Variants in TCF19 observed in about 807,000 individuals in gnomAD.
TCF19 encodes the protein transcription factor SC1.
TCF19 carries 9 observed loss-of-function variants against 18.3 expected under a neutral mutation model. The observed-to-expected ratio is 0.49, with a 90% CI of 0.30 to 0.86. The LOEUF is 0.86. Ranked by LOEUF, TCF19 falls within the 40% of genes least tolerant of loss-of-function variation. The pLI is 0.07. For missense variants in TCF19, 376 were observed against 464.3 expected (o/e 0.81, Z 1.75); for synonymous variants, 176 against 185.3 (o/e 0.95, Z 0.41).
At position 31,163,061 on chromosome 6, in the gene TCF19, T is replaced by C. The variant is rs1409334793; in HGVS notation, c.*344T>C. On this transcript the variant is annotated 3_prime_UTR_variant, in exon 4 of 4. Coordinates refer to ENST00000376257, the MANE Select transcript of TCF19 (RefSeq NM_007109.3). ...AGCCATGCCTGCAACCGATGGAAAA[T>C]GTAAGAGGGAGTTCTTAAGGTTCTT... 31 of 1,147,976 alleles carry C rather than the reference T, an allele frequency of 2.7e-5. No individual in the cohort carries two copies. Among genetic ancestry groups the C allele is most frequent in the Non-Finnish European group, 3.1e-5 (29 of 931,868 alleles). 71.1% of individuals were successfully genotyped at this position (1,147,976 alleles called of 1,614,324 possible). A position where few individuals can be genotyped will look rare whatever the true frequency, so the allele number is the denominator to read the frequency against.
chr6:31,159,209 T>C lies in TCF19; in HGVS notation c.-261T>C, dbSNP rs1776556716. 4 of 482,310 alleles carry C rather than the reference T, an allele frequency of 8.3e-6. No homozygotes were observed. Among genetic ancestry groups the C allele is most frequent in the Non-Finnish European group, 1.5e-5 (4 of 271,672 alleles). 29.9% of individuals were successfully genotyped at this position (482,310 alleles called of 1,614,324 possible). On this transcript the variant is annotated 5_prime_UTR_variant, in exon 2 of 4. Transcript: ENST00000376257. The stretch of plus-strand genomic sequence containing the variant: ...TCAAGTGAGGTGCCATAGGACGTGT[T>C]CCTGAGTTTGCATTGCACGGAGACC...
At position 31,162,617 on chromosome 6, in the gene TCF19, G is replaced by A. The variant is rs769274114; in HGVS notation, c.938G>A (p.Cys313Tyr). 4 of 1,612,976 alleles carry A rather than the reference G, an allele frequency of 2.5e-6. No homozygotes were observed. Among genetic ancestry groups the A allele is most frequent in the Non-Finnish European group, 3.4e-6 (4 of 1,180,026 alleles). ...ETVAWVQCDG[C>Y]DVWFHVACVG... Reference sequence around the variant, plus strand: ...GTGGCCTGGGTTCAGTGTGATGGCTGTGACGTCTGGTTCCATGTGGCCTGT... The same window carrying A: ...GTGGCCTGGGTTCAGTGTGATGGCTATGACGTCTGGTTCCATGTGGCCTGT... Residue 313 changes from cysteine (C) to tyrosine (Y), a missense_variant, in exon 4 of 4, where the codon TGT (cysteine) becomes TAT (tyrosine). Transcript: ENST00000376257. This position sits in a 1 kb window ranked among gnomAD's most constrained non-coding sequence, Gnocchi z 4.5.
Position 31,159,456 on chromosome 6 carries a change from A to G in TCF19, c.-14A>G. 1 of 1,545,564 alleles carries G rather than the reference A, an allele frequency of 6.5e-7. No individual in the cohort carries two copies. Among genetic ancestry groups the G allele is most frequent in the South Asian group, 1.2e-5 (1 of 84,704 alleles). ...GCCTGAAGTGGAAGAGGTGGTGCAG[A>G]GGGGGCACCGCCCATGCTGCCCTGC... On this transcript the variant is annotated 5_prime_UTR_variant, in exon 2 of 4. Transcript: ENST00000376257.
intron 2 of TCF19, 139 bp downstream of exon 2, chr6:31,159,846 C>T: frequency 1.1e-6 from 1 of 885,078 alleles, no homozygotes. Context: ...AGACCTTCAT[C>T]TTCCCACCAG....
rs906357711 is a variant in TCF19, at chr6:31,162,396, A to G, written c.798-81A>G. 2 of 1,525,082 alleles carry G rather than the reference A, an allele frequency of 1.3e-6. No homozygotes were observed. Among genetic ancestry groups the G allele is most frequent in the Non-Finnish European group, 8.8e-7 (1 of 1,136,286 alleles). The allele number at this position is 1,525,082 out of a possible 1,614,324, so 94.5% of individuals were successfully genotyped here. A position where few individuals can be genotyped will look rare whatever the true frequency, so the allele number is the denominator to read the frequency against. ...CACTGTGCCTCTGTGGCCTCACCCTATGACCAGCCATAGGGTGGCAAGGTC... is the reference window on the plus strand; with the variant it reads ...CACTGTGCCTCTGTGGCCTCACCCTGTGACCAGCCATAGGGTGGCAAGGTC... On this transcript the variant is annotated intron_variant, in intron 3 of 3. Transcript: ENST00000376257. This position sits in a 1 kb window ranked among gnomAD's most constrained non-coding sequence, Gnocchi z 4.5.
At position 31,159,049 on chromosome 6, in the gene TCF19, A is replaced by C; in HGVS notation, c.-421A>C. On this transcript the variant is annotated 5_prime_UTR_variant, in exon 2 of 4. Coordinates refer to ENST00000376257, the MANE Select transcript of TCF19 (RefSeq NM_007109.3). ...AATTACACAGAGGTGATGTGTTCGT[A>C]TTGCACGTAGACGTGTGTATAACAG... 5.0e-6 allele frequency: 1 copy of C among 199,566 alleles called. No individual in the cohort carries two copies. The highest frequency in any genetic ancestry group is 1.0e-5 in the Non-Finnish European group (1 of 98,542). The allele number at this position is 199,566 out of a possible 1,614,324, so 12.4% of individuals were successfully genotyped here.
rs1311589937 is a variant in TCF19, at chr6:31,159,564, G to T, written c.95G>T (p.Arg32Leu). Residue 32 changes from arginine (R) to leucine (L), a missense_variant, in exon 2 of 4, where the codon CGC becomes CTC. Arg to Leu is a moderately radical substitution (Grantham distance 102, BLOSUM62 -2). Transcript: ENST00000376257. ...CCCGCCGGGGCTGGCTGCACCTATC[G>T]CTTGGGCCACAGGGCCGACCTGTGT... is the stretch of plus-strand genomic sequence containing the variant. ...HPPAGAGCTY[R>L]LGHRADLCDV... 3 of 1,611,338 alleles carry T rather than the reference G, an allele frequency of 1.9e-6. No individual in the cohort carries two copies. Among genetic ancestry groups the T allele is most frequent in the South Asian group, 1.1e-5 (1 of 90,868 alleles).
chr6:31,159,808 C>A, intron 2 of TCF19, 101 bp downstream of exon 2: 1 of 1,215,550 alleles, frequency 8.2e-7, no homozygotes, highest in Non-Finnish European at 1.2e-6. Flanking sequence ...CCCATACTCC[C>A]ATCAGATTGG....
Position 31,163,276 on chromosome 6 carries a change from T to C in TCF19, c.*559T>C, listed in dbSNP as rs1005684104. 19 of 987,134 alleles carry C rather than the reference T, an allele frequency of 1.9e-5. No individual in the cohort carries two copies. In the African/African-American group the frequency reaches 3.0e-4, roughly 15 times the overall value. 61.1% of individuals were successfully genotyped at this position (987,134 alleles called of 1,614,324 possible). On this transcript the variant is annotated 3_prime_UTR_variant, in exon 4 of 4. Transcript: ENST00000376257. ...TTACTCTTCTTGTGGGTCTGTGATATTCCTTGCTTTCCAGGGAGAATGTGC... is the reference window on the plus strand; with the variant it reads ...TTACTCTTCTTGTGGGTCTGTGATACTCCTTGCTTTCCAGGGAGAATGTGC...
Position 31,163,345 on chromosome 6 carries a change from G to A in TCF19, c.*628G>A. ...CTAATTCAGAATCTTAGGGGAAGGG[G>A]AGAGATGGAAATACAAACCTGCTTA... On this transcript the variant is annotated 3_prime_UTR_variant, in exon 4 of 4. Transcript: ENST00000376257. 1.0e-6 allele frequency: 1 copy of A among 985,962 alleles called. No homozygotes were observed. Among genetic ancestry groups the A allele is most frequent in the Non-Finnish European group, 1.2e-6 (1 of 830,334 alleles). The allele number at this position is 985,962 out of a possible 1,614,324, so 61.1% of individuals were successfully genotyped here. A position where few individuals can be genotyped will look rare whatever the true frequency, so the allele number is the denominator to read the frequency against.
rs956534916 is a variant in TCF19, at chr6:31,164,166, G to A, written c.*1449G>A. On this transcript the variant is annotated 3_prime_UTR_variant, in exon 4 of 4. Transcript: ENST00000376257. ...AAGTTCTTGCATCACAGGCTTTTGG[G>A]AACTAGCCTATCACAGGGCCCTGTA... The A allele has an allele frequency of 1.1e-5, 12 of 1,108,058 alleles. No homozygotes were observed. Among genetic ancestry groups the A allele is most frequent in the Non-Finnish European group, 1.1e-5 (10 of 904,456 alleles). 68.6% of individuals were successfully genotyped at this position (1,108,058 alleles called of 1,614,324 possible). A position where few individuals can be genotyped will look rare whatever the true frequency, so the allele number is the denominator to read the frequency against.
At position 31,162,847 on chromosome 6, in the gene TCF19, T is replaced by G; in HGVS notation, c.*130T>G. 6.9e-7 allele frequency: 1 copy of G among 1,457,016 alleles called. No individual in the cohort carries two copies. The highest frequency in any genetic ancestry group is 9.0e-7 in the Non-Finnish European group (1 of 1,109,350). 90.3% of individuals were successfully genotyped at this position (1,457,016 alleles called of 1,614,324 possible). On this transcript the variant is annotated 3_prime_UTR_variant, in exon 4 of 4. Coordinates refer to ENST00000376257, the MANE Select transcript of TCF19 (RefSeq NM_007109.3). This position sits in a 1 kb window ranked among gnomAD's most constrained non-coding sequence, Gnocchi z 4.5. ...AATGACTACAGGGAAGAAGGATGGA[T>G]TGATGTGGACTCATTCAGGGCCTGG...
At chr6:31,160,513 T>C (rs1776693497) in intron 2 of TCF19, among the ~76,000 whole-genome samples, 1 of 151,504 alleles carries the variant, frequency 6.6e-6, no homozygotes, top group South Asian at 2.1e-4. Context: ...CCCAGCACTT[T>C]GGGAGGCCGA....
In TCF19 at chr6:31,159,538, C is replaced by G; in HGVS notation, c.69C>G (p.Pro23=). ...GCGGTGATCTCTACACCTTCCACCC[C>G]CCCGCCGGGGCTGGCTGCACCTATC... ...GRGGDLYTFH[P]PAGAGCTYRL... The change falls in exon 2 of 4, where the codon CCC becomes CCG. Residue 23 remains proline, a synonymous_variant. Transcript: ENST00000376257. 2 of 1,606,332 alleles carry G rather than the reference C, an allele frequency of 1.2e-6. No homozygotes were observed. The highest frequency in any genetic ancestry group is 8.5e-7 in the Non-Finnish European group (1 of 1,177,034).
In TCF19 at chr6:31,163,032, C is replaced by T; in HGVS notation, c.*315C>T. The T allele has an allele frequency of 8.2e-7, 1 of 1,215,476 alleles. No homozygotes were observed. Among genetic ancestry groups the T allele is most frequent in the Non-Finnish European group, 1.0e-6 (1 of 974,190 alleles). 75.3% of individuals were successfully genotyped at this position (1,215,476 alleles called of 1,614,324 possible). A position where few individuals can be genotyped will look rare whatever the true frequency, so the allele number is the denominator to read the frequency against. On this transcript the variant is annotated 3_prime_UTR_variant, in exon 4 of 4. Transcript: ENST00000376257. The stretch of plus-strand genomic sequence containing the variant: ...CTGTAGTCAGAGCACCTATCAGTTG[C>T]AAAAGCCATGCCTGCAACCGATGGA...
Position 31,162,681 on chromosome 6 carries a change from C to A in TCF19, c.1002C>A (p.Phe334Leu). ...CSIQAAREAD[F>L]RCPGCRAGIQ... ...TCCAGGCTGCCAGGGAGGCCGACTT[C>A]CGATGCCCAGGGTGCCGGGCTGGCA... The change falls in exon 4 of 4, where the codon TTC becomes TTA. Residue 334 changes from phenylalanine to leucine, a missense_variant. By Grantham distance (22) the Phe-to-Leu change is conservative. Transcript: ENST00000376257. This position sits in a 1 kb window ranked among gnomAD's most constrained non-coding sequence, Gnocchi z 4.5. 2 of 1,612,456 alleles carry A rather than the reference C, an allele frequency of 1.2e-6. No individual in the cohort carries two copies. Among genetic ancestry groups the A allele is most frequent in the South Asian group, 2.2e-5 (2 of 91,078 alleles).
In TCF19 at chr6:31,162,576, G is replaced by A. The variant is rs770545853; in HGVS notation, c.897G>A (p.Leu299=). 6.2e-7 allele frequency: 1 copy of A among 1,612,952 alleles called. No homozygotes were observed. The change falls in exon 4 of 4, where the codon CTG becomes CTA. Residue 299 remains leucine (L), a synonymous_variant. Transcript: ENST00000376257. The surrounding 1 kb of genome is among the most constrained non-coding windows in gnomAD (Gnocchi z 4.5). ...GEPCAAPCCC[L]PQEETVAWVQ... ...CCTGTGCAGCTCCTTGTTGCTGCCT[G>A]CCCCAGGAAGAGACAGTGGCCTGGG...
chr6:31,159,809 A>T lies in TCF19; in HGVS notation c.238+102A>T, dbSNP rs146561778. On this transcript the variant is annotated intron_variant, in intron 2 of 3. Coordinates refer to ENST00000376257, the MANE Select transcript of TCF19 (RefSeq NM_007109.3). ...CCTGCTGCCTGCCTCCCATACTCCCATCAGATTGGATGGATGGTCGTGGTC... is the reference window on the plus strand; with the variant it reads ...CCTGCTGCCTGCCTCCCATACTCCCTTCAGATTGGATGGATGGTCGTGGTC... 1,059 of 1,173,866 alleles carry T rather than the reference A, an allele frequency of 9.0e-4. 13 individuals carry two copies. In the African/African-American group the frequency reaches 0.013, roughly 14 times the overall value. The allele number at this position is 1,173,866 out of a possible 1,614,324, so 72.7% of individuals were successfully genotyped here.
Position 31,162,093 on chromosome 6 carries a change from G to C in TCF19, c.797+88G>C. On this transcript the variant is annotated intron_variant, in intron 3 of 3. Transcript: ENST00000376257. This position sits in a 1 kb window ranked among gnomAD's most constrained non-coding sequence, Gnocchi z 4.5. ...AGGCTGTGAGGAGGTCCCCCTGCCTGGGGGGATGGGCACGGGAGGTGGAAT... is the reference window on the plus strand; with the variant it reads ...AGGCTGTGAGGAGGTCCCCCTGCCTCGGGGGATGGGCACGGGAGGTGGAAT... 7.3e-7 allele frequency: 1 copy of C among 1,377,594 alleles called. No homozygotes were observed. The highest frequency in any genetic ancestry group is 1.4e-5 in the South Asian group (1 of 69,516). 85.3% of individuals were successfully genotyped at this position (1,377,594 alleles called of 1,614,324 possible). A position where few individuals can be genotyped will look rare whatever the true frequency, so the allele number is the denominator to read the frequency against.
Sources: gnomAD v4.1 joint callset for allele counts (sites outside exome capture counted in the v4.1 genomes callset) on GRCh38, gnomAD v4.1.1 for gene constraint, Gnocchi (gnomAD v3.1) non-coding constraint, MANE v1.5 for transcripts, NCBI Gene and HGNC (gene_info 2026-07-23, HGNC 2026-07-21) for gene names.